The following TAOK1 variants were observed in gnomAD, a reference collection of about 807,000 sequenced individuals.
TAOK1 encodes the protein TAO kinase 1, also known as serine/threonine-protein kinase TAO1.
A neutral mutation model predicts 138.3 loss-of-function variants in TAOK1; 21 were observed. The ratio of observed to expected loss-of-function variants is 0.15; its 90% CI spans 0.11 to 0.22. The LOEUF (loss-of-function observed/expected upper bound fraction) is 0.22, where lower values mean the gene tolerates loss of function less well. Among genes scored for constraint, TAOK1 ranks in the 10% least tolerant of loss-of-function variants. The pLI is 1.00. For synonymous variants in TAOK1, 361 were observed against 398.4 expected (o/e 0.91, Z 1.12); for missense variants, 651 against 1,227.7 (o/e 0.53, Z 7.02).
chr17:29,469,807 G>A (rs568968), intron 3 of TAOK1, among the ~76,000 whole-genome samples: 122,252 of 152,148 alleles, frequency 0.8, 49,898 homozygotes, highest in East Asian at 0.98. Context: ...ATTTTTTTAT[G>A]TTAAGGAATA....
intron 1 of TAOK1, among the ~76,000 whole-genome samples, chr17:29,395,221 G>A (rs1193346553): frequency 2.6e-5 from 4 of 152,160 alleles, no homozygotes; most frequent in Admixed American, 1.3e-4. Flanking sequence ...TCTAGCCTGG[G>A]TGACAGAGTG....
intron 18 of TAOK1, among the ~76,000 whole-genome samples, chr17:29,530,985 G>A (rs1467846931): frequency 1.0e-3 from 5 of 4,826 alleles, no homozygotes; most frequent in Non-Finnish European, 2.2e-3. Flanking sequence ...TTTTTGAGAC[G>A]GAGTCTCACT....
intron 15 of TAOK1, among the ~76,000 whole-genome samples, chr17:29,515,756 A>G (rs1296075666): frequency 2.6e-5 from 4 of 151,556 alleles, no homozygotes; most frequent in African/African-American, 9.7e-5. Context: ...AAATCACTGG[A>G]ACCCAGGAGG....
chr17:29,531,484 G>T (rs545116715), intron 18 of TAOK1, among the ~76,000 whole-genome samples: 108 of 324 alleles, frequency 0.33, no homozygotes, highest in African/African-American at 0.43. Flanking sequence ...AGATAAGGCT[G>T]CGCGCCAGTG....
intron 1 of TAOK1, among the ~76,000 whole-genome samples, chr17:29,426,221 C>T (rs1328812912): frequency 6.6e-6 from 1 of 152,060 alleles, no homozygotes; most frequent in Admixed American, 6.6e-5. Context: ...TGATTTGGCA[C>T]CTACTATGTT....
chr17:29,457,672 C>T lies in TAOK1; in HGVS notation c.132+5992C>T, dbSNP rs180905104. ...CCACCCATCTCGGCCTCCCAAAGTG[C>T]TGGGATTACAGGCGTGAGCCACTGC... On this transcript the variant is annotated intron_variant, in intron 2 of 19. Transcript: ENST00000261716. Among the ~76,000 whole-genome samples the T allele has an allele frequency of 5.3e-5, 8 of 151,976 alleles. No homozygotes were observed. The East Asian group carries it at 1.6e-3, about 30-fold the overall frequency.
rs142419988 is a variant in TAOK1, at chr17:29,517,974, G to A, written c.1908+318G>A. Among the ~76,000 whole-genome samples, 13 of 152,126 alleles carry A rather than the reference G, an allele frequency of 8.5e-5. No individual in the cohort carries two copies. The East Asian group carries it at 2.5e-3, about 29-fold the overall frequency. ...GGGTGCAAGTGATTTTCGTGCCTCA[G>A]CCTCCCAAATAGCTAGGATTACAGG... On this transcript the variant is annotated intron_variant, in intron 16 of 19. Coordinates refer to ENST00000261716, the MANE Select transcript of TAOK1 (RefSeq NM_020791.4).
At chr17:29,507,653 A>G (rs945835002) in intron 13 of TAOK1, among the ~76,000 whole-genome samples, 3 of 152,152 alleles carry the variant, frequency 2.0e-5, no homozygotes, top group Non-Finnish European at 4.4e-5. Flanking sequence ...ATAGTGCTGC[A>G]TATCCTCCAA....
At position 29,451,830 on chromosome 17, in the gene TAOK1, G is replaced by A. The variant is rs546479791; in HGVS notation, c.132+150G>A. 3.1e-5 allele frequency: 23 copies of A among 744,540 alleles called. No individual in the cohort carries two copies. The Admixed American group carries it at 3.2e-4, about 10-fold the overall frequency. 46.1% of individuals were successfully genotyped at this position (744,540 alleles called of 1,614,324 possible). A position where few individuals can be genotyped will look rare whatever the true frequency, so the allele number is the denominator to read the frequency against. The stretch of plus-strand genomic sequence containing the variant: ...AGAGAGAGAGCGCGAGAGCGAGAGC[G>A]TGGGTGAGTGTGTGTGTCTGTGTGT... On this transcript the variant is annotated intron_variant, in intron 2 of 19. Transcript: ENST00000261716.
intron 1 of TAOK1, among the ~76,000 whole-genome samples, chr17:29,417,547 A>G (rs1905298610): frequency 6.6e-6 from 1 of 152,202 alleles, no homozygotes; most frequent in Non-Finnish European, 1.5e-5. Flanking sequence ...AATGAAATCA[A>G]GGGTCACCAT....
chr17:29,397,679 G>GAA lies in TAOK1; in HGVS notation c.-95+6655_-95+6656insAA, dbSNP rs1567706756. Reference sequence around the variant, plus strand: ...ATTCATGTATGATACATGTATACATGTATACATGTATATTCATGTATGCAT... The same window carrying GAA: ...ATTCATGTATGATACATGTATACATGAATATACATGTATATTCATGTATGCAT... On this transcript the variant is annotated intron_variant, in intron 1 of 19. Coordinates refer to ENST00000261716, the MANE Select transcript of TAOK1 (RefSeq NM_020791.4). Among the ~76,000 whole-genome samples the GAA allele has an allele frequency of 7.9e-4, 113 of 143,122 alleles. 4 individuals carry two copies. Among genetic ancestry groups the GAA allele is most frequent in the African/African-American group, 2.8e-3 (107 of 38,442 alleles). The allele number at this position is 143,122 out of a possible 152,430, so 93.9% of individuals were successfully genotyped here.
chr17:29,533,448 G>T (rs554578420), intron 18 of TAOK1, among the ~76,000 whole-genome samples: 108 of 152,228 alleles, frequency 7.1e-4, no homozygotes, highest in African/African-American at 2.5e-3. Context: ...TGGCGGCCGG[G>T]CAGAGGCTGC....
At position 29,529,379 on chromosome 17, in the gene TAOK1, C is replaced by T. The variant is rs146135303; in HGVS notation, c.2149-1028C>T. On this transcript the variant is annotated intron_variant, in intron 17 of 19. Coordinates refer to ENST00000261716, the MANE Select transcript of TAOK1 (RefSeq NM_020791.4). ...CTGAGGTGGGAGGATCGCTTGAGGC[C>T]AGGAGTTTGGAACCAGCCTGGGCAA... Among the ~76,000 whole-genome samples the T allele has an allele frequency of 4.7e-3, 718 of 151,948 alleles. 12 individuals are homozygous for T. The highest frequency in any genetic ancestry group is 0.017 in the African/African-American group (695 of 41,448).
intron 8 of TAOK1, among the ~76,000 whole-genome samples, chr17:29,487,928 C>A (rs2031206534): frequency 6.6e-6 from 1 of 152,090 alleles, no homozygotes; most frequent in African/African-American, 2.4e-5. Flanking sequence ...AAAATGAATA[C>A]CATCAGTAAC....
intron 17 of TAOK1, among the ~76,000 whole-genome samples, chr17:29,525,101 T>TTTTTG (rs577019923): frequency 8.2e-4 from 124 of 151,906 alleles, no homozygotes; most frequent in African/African-American, 2.7e-3. Context: ...ATGTTTGTTT[T>TTTTTG]TTTTGTTTTG....
intron 17 of TAOK1, among the ~76,000 whole-genome samples, chr17:29,528,839 CAAAAAAAAAAAAAA>C (rs58073512): frequency 0.022 from 1,557 of 69,644 alleles, 63 homozygotes; most frequent in African/African-American, 0.085. Context: ...GACTCCGTCT[CAAAAAAAAAAAAAA>C]AAAAAAAAAA....
At chr17:29,405,467 T>G (rs1437771926) in intron 1 of TAOK1, among the ~76,000 whole-genome samples, 3 of 152,168 alleles carry the variant, frequency 2.0e-5, no homozygotes, top group African/African-American at 7.2e-5. Flanking sequence ...TAGTGATTGA[T>G]GGAATTTGCT....
intron 1 of TAOK1, among the ~76,000 whole-genome samples, chr17:29,409,878 T>G (rs1163587629): frequency 6.6e-6 from 1 of 152,138 alleles, no homozygotes; most frequent in Non-Finnish European, 1.5e-5. Context: ...TAAGGATGAT[T>G]GTGCAGATGA....
chr17:29,448,972 G>A (rs779173198), intron 1 of TAOK1, among the ~76,000 whole-genome samples: 1 of 152,122 alleles, frequency 6.6e-6, no homozygotes, highest in Non-Finnish European at 1.5e-5. Flanking sequence ...TTCTAATAGA[G>A]TTAAGGTTTT....
Sources: gnomAD v4.1 joint callset for allele counts (sites outside exome capture counted in the v4.1 genomes callset) on GRCh38, gnomAD v4.1.1 for gene constraint, MANE v1.5 for transcripts, NCBI Gene and HGNC (gene_info 2026-07-23, HGNC 2026-07-21) for gene names.